The following KRR1 variants were observed in gnomAD, a reference collection of about 807,000 sequenced individuals.
KRR1 encodes the protein KRR1 small subunit processome component homolog.
Under a neutral mutation model 50.0 loss-of-function variants are expected in KRR1, and 23 were observed. That is an observed-to-expected ratio of 0.46 (90% CI 0.33 to 0.65). The LOEUF is 0.65. Ranked by LOEUF, KRR1 falls within the 30% of genes least tolerant of loss-of-function variation. KRR1 has a pLI of 0.02. For synonymous variants in KRR1, 133 were observed against 146.3 expected, an observed-to-expected ratio of 0.91 and a Z score of 0.66; for missense variants, 419 against 442.4, an observed-to-expected ratio of 0.95 and a Z score of 0.47.
At chr12:75,508,181 T>TAAAAA in intron 2 of KRR1, 93 bp downstream of exon 2, 1 of 673,210 alleles carries the variant, frequency 1.5e-6, no homozygotes. Context: ...TTAGCACCAT[T>TAAAAA]AAAAAAAAAA....
In KRR1 at chr12:75,499,250, G is replaced by T; in HGVS notation, c.*559C>A. On this transcript the variant is annotated 3_prime_UTR_variant, in exon 10 of 10. Coordinates refer to ENST00000229214, the MANE Select transcript of KRR1 (RefSeq NM_007043.7). ...GCTTCTAAATCTGCAAAATGAGCAA[G>T]GTACAGTAGCACATTTTTAGGTGAT... is the stretch of plus-strand genomic sequence containing the variant. 3.9e-6 allele frequency: 1 copy of T among 254,998 alleles called. No homozygotes were observed. Among genetic ancestry groups the T allele is most frequent in the South Asian group, 1.2e-4 (1 of 8,338 alleles). The allele number at this position is 254,998 out of a possible 1,614,324, so 15.8% of individuals were successfully genotyped here.
Position 75,498,897 on chromosome 12 carries a change from T to A in KRR1, c.*912A>T, listed in dbSNP as rs59314206. On this transcript the variant is annotated 3_prime_UTR_variant, in exon 10 of 10. Coordinates refer to ENST00000229214, the MANE Select transcript of KRR1 (RefSeq NM_007043.7). ...GATACACTTCTCTCTTTCTCATTGTTAATTCAGTAATTCTAATACTGTCTG... is the reference window on the plus strand; with the variant it reads ...GATACACTTCTCTCTTTCTCATTGTAAATTCAGTAATTCTAATACTGTCTG... 8 of 1,606,396 alleles carry A rather than the reference T, an allele frequency of 5.0e-6. No homozygotes were observed. Among genetic ancestry groups the A allele is most frequent in the Non-Finnish European group, 6.8e-6 (8 of 1,173,358 alleles).
Position 75,495,393 on chromosome 12 carries a change from G to A in KRR1, c.*4416C>T, listed in dbSNP as rs77433218. 5,599 of 548,458 alleles carry A rather than the reference G, an allele frequency of 0.01. 245 individuals are homozygous for A. Among genetic ancestry groups the A allele is most frequent in the African/African-American group, 0.096 (5,070 of 52,842 alleles). 34.0% of individuals were successfully genotyped at this position (548,458 alleles called of 1,614,324 possible). A position where few individuals can be genotyped will look rare whatever the true frequency, so the allele number is the denominator to read the frequency against. ...ACAGGTGCATAGACACAGGTACATA[G>A]AATGAACTATGCAAATATTAGCAGC... is the stretch of plus-strand genomic sequence containing the variant. On this transcript the variant is annotated 3_prime_UTR_variant, in exon 10 of 10. Coordinates refer to ENST00000229214, the MANE Select transcript of KRR1 (RefSeq NM_007043.7).
chr12:75,504,277 A>C (rs192024005), intron 6 of KRR1: 9 of 356,664 alleles, frequency 2.5e-5, no homozygotes, highest in African/African-American at 1.5e-4. Context: ...ATTTAATTAC[A>C]AAATGCAGAA....
chr12:75,501,682 T>C (rs1382825119), intron 9 of KRR1, 41 bp downstream of exon 9: 14 of 1,307,470 alleles, frequency 1.1e-5, no homozygotes, highest in African/African-American at 1.5e-5. Context: ...GGGTTTACTT[T>C]TCCTAATTAA....
Position 75,503,965 on chromosome 12 carries a change from G to T in KRR1, c.770C>A (p.Pro257Gln). Residue 257 changes from proline to glutamine, a missense_variant, in exon 7 of 10, where the codon CCA (proline) becomes CAA (glutamine). Transcript: ENST00000229214. ...TTCTTTCTTAACAGTTTTTTTCTTT[G>T]GTTCCTTGCGTTTATTCACATTTTT... The part of the protein sequence containing the change: ...KHKNVNKRKE[P>Q]KKKTVKKEYT... 6.2e-7 allele frequency: 1 copy of T among 1,611,256 alleles called. No homozygotes were observed. Among genetic ancestry groups the T allele is most frequent in the Admixed American group, 1.7e-5 (1 of 59,840 alleles).
At chr12:75,508,228 C>G in intron 2 of KRR1, 46 bp downstream of exon 2, 5 of 1,385,572 alleles carry the variant, frequency 3.6e-6, no homozygotes, top group Non-Finnish European at 4.9e-6. Context: ...AAGGCATAAG[C>G]AAGAGCAAAG....
Position 75,495,973 on chromosome 12 carries a change from C to G in KRR1, c.*3836G>C, listed in dbSNP as rs576143998. 5.3e-6 allele frequency: 1 copy of G among 189,854 alleles called. No individual in the cohort carries two copies. The highest frequency in any genetic ancestry group is 1.3e-4 in the East Asian group (1 of 7,856). 11.8% of individuals were successfully genotyped at this position (189,854 alleles called of 1,614,324 possible). A position where few individuals can be genotyped will look rare whatever the true frequency, so the allele number is the denominator to read the frequency against. On this transcript the variant is annotated 3_prime_UTR_variant, in exon 10 of 10. Transcript: ENST00000229214. The stretch of plus-strand genomic sequence containing the variant: ...ATCAAAAATAAGTATAACAGGTCAT[C>G]CAAACAAACAGAATTCTGTTTTCGT...
rs760506650 is a variant in KRR1, at chr12:75,511,562, G to A, written c.36C>T (p.Gly12=). The change falls in exon 1 of 10, where the codon GGC becomes GGT. Residue 12 remains glycine, a synonymous_variant. Transcript: ENST00000229214. Reference sequence around the variant, plus strand: ...GGTTACGAAATTCACTTTTTCCAGCGCCTTTTTCTGGCCGCTCCAGCGAGG... The same window carrying A: ...GGTTACGAAATTCACTTTTTCCAGCACCTTTTTCTGGCCGCTCCAGCGAGG... ...ASPSLERPEK[G]AGKSEFRNQK... The A allele has an allele frequency of 6.2e-7, 1 of 1,614,040 alleles. No homozygotes were observed.
At chr12:75,504,120 A>G (rs1009305113) in intron 6 of KRR1, 46 bp from the exon 7 acceptor site, 2 of 1,405,654 alleles carry the variant, frequency 1.4e-6, no homozygotes, top group Non-Finnish European at 2.0e-6. Flanking sequence ...CCAAAGTCAC[A>G]CATTTGTCAG....
chr12:75,497,580 T>C lies in KRR1; in HGVS notation c.*2229A>G, dbSNP rs2046358967. 6.6e-6 allele frequency: 1 copy of C among 152,224 alleles called. No homozygotes were observed. Among genetic ancestry groups the C allele is most frequent in the Admixed American group, 6.5e-5 (1 of 15,280 alleles). The allele number at this position is 152,224 out of a possible 1,614,324, so 9.4% of individuals were successfully genotyped here. On this transcript the variant is annotated 3_prime_UTR_variant, in exon 10 of 10. Transcript: ENST00000229214. ...ACTAATACTGAATAAGTAAGATTTGTGACTAAAAAACTTAAGAATCACCAT... is the reference window on the plus strand; with the variant it reads ...ACTAATACTGAATAAGTAAGATTTGCGACTAAAAAACTTAAGAATCACCAT...
chr12:75,509,959 A>T (rs74108840), intron 1 of KRR1, among the ~76,000 whole-genome samples: 1,808 of 152,016 alleles, frequency 0.012, 31 homozygotes, highest in African/African-American at 0.041. Flanking sequence ...AATTTTTTTT[A>T]AAATCCCCAC....
chr12:75,507,710 A>G (rs2046428918), intron 2 of KRR1, among the ~76,000 whole-genome samples: 1 of 152,136 alleles, frequency 6.6e-6, no homozygotes, highest in Non-Finnish European at 1.5e-5. Context: ...ACACACACAC[A>G]AACAAAGCCA....
Position 75,499,805 on chromosome 12 carries a change from T to A in KRR1, c.*4A>T, listed in dbSNP as rs755838106. On this transcript the variant is annotated 3_prime_UTR_variant, in exon 10 of 10. Transcript: ENST00000229214. ...ATAGTTCTAGTCAAGGAGTTTTGGG[T>A]ATGTTACTTTTTTTTCTTCTTTTTC... 5.6e-6 allele frequency: 9 copies of A among 1,595,310 alleles called. No individual in the cohort carries two copies. Among genetic ancestry groups the A allele is most frequent in the Non-Finnish European group, 7.7e-6 (9 of 1,172,928 alleles).
chr12:75,498,873 A>C lies in KRR1; in HGVS notation c.*936T>G, dbSNP rs2046369770. 6.2e-7 allele frequency: 1 copy of C among 1,611,054 alleles called. No homozygotes were observed. Among genetic ancestry groups the C allele is most frequent in the African/African-American group, 1.3e-5 (1 of 74,808 alleles). ...GCTGGCCCATATATCCACGTAACAGATACACTTCTCTCTTTCTCATTGTTA... is the reference window on the plus strand; with the variant it reads ...GCTGGCCCATATATCCACGTAACAGCTACACTTCTCTCTTTCTCATTGTTA... On this transcript the variant is annotated 3_prime_UTR_variant, in exon 10 of 10. Coordinates refer to ENST00000229214, the MANE Select transcript of KRR1 (RefSeq NM_007043.7).
chr12:75,492,722 C>A lies in KRR1; in HGVS notation c.*7087G>T, dbSNP rs2120541826. The A allele has an allele frequency of 6.6e-6, 1 of 152,210 alleles. No individual in the cohort carries two copies. The highest frequency in any genetic ancestry group is 2.1e-4 in the South Asian group (1 of 4,820). 9.4% of individuals were successfully genotyped at this position (152,210 alleles called of 1,614,324 possible). On this transcript the variant is annotated 3_prime_UTR_variant, in exon 10 of 10. Transcript: ENST00000229214. ...TCCATAAAGACTAACTTCAAATATT[C>A]ATTTATTCAACAAATATTTGTTTTA... is the stretch of plus-strand genomic sequence containing the variant.
chr12:75,495,704 T>C lies in KRR1; in HGVS notation c.*4105A>G, dbSNP rs749244340. On this transcript the variant is annotated 3_prime_UTR_variant, in exon 10 of 10. Coordinates refer to ENST00000229214, the MANE Select transcript of KRR1 (RefSeq NM_007043.7). The stretch of plus-strand genomic sequence containing the variant: ...ATACACCAATAGAATAACATAATAG[T>C]AACATGTAACTTTCTACAGAATTAA... The C allele has an allele frequency of 1.9e-6, 2 of 1,073,908 alleles. No individual in the cohort carries two copies. The highest frequency in any genetic ancestry group is 4.8e-5 in the East Asian group (2 of 41,612). 66.5% of individuals were successfully genotyped at this position (1,073,908 alleles called of 1,614,324 possible).
At position 75,506,412 on chromosome 12, in the gene KRR1, A is replaced by G. The variant is rs778290479; in HGVS notation, c.520-13T>C. 1 of 1,605,492 alleles carries G rather than the reference A, an allele frequency of 6.2e-7. No individual in the cohort carries two copies. The highest frequency in any genetic ancestry group is 1.1e-5 in the South Asian group (1 of 90,118). ...AGAGTTCCAATGCCTGTATCAAGAG[A>G]TCAAGTTAAAATTCATTACTCTGAA... On this transcript the variant is annotated splice_polypyrimidine_tract_variant and intron_variant, in intron 4 of 9. Transcript: ENST00000229214.
In KRR1 at chr12:75,502,016, TTTACAA is replaced by T; in HGVS notation, c.832-22_832-17del. The T allele has an allele frequency of 6.3e-7, 1 of 1,597,278 alleles. No individual in the cohort carries two copies. The highest frequency in any genetic ancestry group is 1.1e-5 in the South Asian group (1 of 90,566). ...CTTTATCGATCTGTTGAAAACGGTA[TTTACAA>T]TTACATCAGAAATAATGTAGAGGAG... On this transcript the variant is annotated splice_polypyrimidine_tract_variant and intron_variant, in intron 7 of 9. Transcript: ENST00000229214.
Sources: allele counts gnomAD v4.1 joint callset (sites outside exome capture counted in the v4.1 genomes callset), GRCh38; gene constraint gnomAD v4.1.1; transcripts MANE v1.5; gene names NCBI Gene and HGNC (gene_info 2026-07-23, HGNC 2026-07-21).